Variants in PPM1H observed in about 807,000 individuals in gnomAD.
PPM1H encodes the protein protein phosphatase 1H.
Under a neutral mutation model 54.9 loss-of-function variants are expected in PPM1H, and 27 were observed. The ratio of observed to expected loss-of-function variants is 0.49; its 90% CI spans 0.36 to 0.68. The LOEUF is 0.68. PPM1H is among the 30% of genes least tolerant of loss of function. The pLI is 0.00. For synonymous variants in PPM1H, 305 were observed against 270.8 expected, an observed-to-expected ratio of 1.13 and a Z score of -1.24; for missense variants, 596 against 667.8, an observed-to-expected ratio of 0.89 and a Z score of 1.19.
In PPM1H at chr12:62,867,564, A is replaced by ATTTTTTTTTTTTTTT. The variant is rs34772338; in HGVS notation, c.246-35300_246-35286dup. ...TCCTGAAATACATCTTATGAGCACT[A>ATTTTTTTTTTTTTTT]TTTTTTTTTTTTTTTTTTTTTTTTT... On this transcript the variant is annotated intron_variant, in intron 1 of 9. Transcript: ENST00000228705. Among the ~76,000 whole-genome samples the ATTTTTTTTTTTTTTT allele has an allele frequency of 1.1e-3, 59 of 55,368 alleles. 11 individuals are homozygous for ATTTTTTTTTTTTTTT. Among genetic ancestry groups the ATTTTTTTTTTTTTTT allele is most frequent in the Non-Finnish European group, 1.4e-3 (42 of 29,226 alleles). 36.3% of individuals were successfully genotyped at this position (55,368 alleles called of 152,430 possible). A position where few individuals can be genotyped will look rare whatever the true frequency, so the allele number is the denominator to read the frequency against.
At chr12:62,930,684 G>T (rs972826295) in intron 1 of PPM1H, among the ~76,000 whole-genome samples, 1 of 152,236 alleles carries the variant, frequency 6.6e-6, no homozygotes, top group African/African-American at 2.4e-5. Flanking sequence ...GAGAAAGGAA[G>T]TAGCTGCCGC....
chr12:62,779,046 C>CTT (rs149921465), intron 4 of PPM1H, among the ~76,000 whole-genome samples: 4 of 150,778 alleles, frequency 2.7e-5, no homozygotes, highest in East Asian at 1.9e-4. Context: ...TTGTTTTTTG[C>CTT]TTTTTTTTTG....
At chr12:62,659,298 A>AACTT (rs1259041478) in intron 9 of PPM1H, 201 of 484,638 alleles carry the variant, frequency 4.1e-4, no homozygotes, top group African/African-American at 3.8e-3. Flanking sequence ...AAAAGAGAAA[A>AACTT]ACTTACTGCA....
chr12:62,874,034 G>A (rs1232663320), intron 1 of PPM1H, among the ~76,000 whole-genome samples: 1 of 152,202 alleles, frequency 6.6e-6, no homozygotes, highest in Non-Finnish European at 1.5e-5. Context: ...CAGAGGGACA[G>A]TGTGCTAGGA....
chr12:62,686,180 T>C (rs2076050415), intron 8 of PPM1H, among the ~76,000 whole-genome samples: 2 of 152,230 alleles, frequency 1.3e-5, no homozygotes, highest in Non-Finnish European at 2.9e-5. Flanking sequence ...GACTCTTCCA[T>C]GCAGGCCCAA....
At chr12:62,652,787 C>A (rs1180545833) in intron 9 of PPM1H, among the ~76,000 whole-genome samples, 1 of 152,128 alleles carries the variant, frequency 6.6e-6, no homozygotes, top group Non-Finnish European at 1.5e-5. Context: ...CTGCCTTAAT[C>A]ATTATCATTT....
At chr12:62,749,819 T>A (rs1333036477) in intron 4 of PPM1H, among the ~76,000 whole-genome samples, 1 of 152,252 alleles carries the variant, frequency 6.6e-6, no homozygotes, top group Non-Finnish European at 1.5e-5. Context: ...CAAAAATAAG[T>A]GACCACTCAT....
chr12:62,887,663 C>T (rs1277664838), intron 1 of PPM1H, among the ~76,000 whole-genome samples: 3 of 152,036 alleles, frequency 2.0e-5, no homozygotes, highest in Non-Finnish European at 4.4e-5. Context: ...AAATAATGAG[C>T]GAGGTGATTT....
chr12:62,926,729 C>T (rs992093518), intron 1 of PPM1H, among the ~76,000 whole-genome samples: 4 of 152,012 alleles, frequency 2.6e-5, no homozygotes, highest in Middle Eastern at 3.2e-3. Flanking sequence ...CCGAGGTGGG[C>T]GGATCACCTG....
intron 6 of PPM1H, among the ~76,000 whole-genome samples, chr12:62,700,980 A>G (rs2076140841): frequency 6.6e-6 from 1 of 152,008 alleles, no homozygotes; most frequent in Non-Finnish European, 1.5e-5. Context: ...CTTCCTTACT[A>G]TGGTTATTTT....
chr12:62,731,127 C>G (rs1046225640), intron 5 of PPM1H, among the ~76,000 whole-genome samples: 5 of 152,144 alleles, frequency 3.3e-5, no homozygotes, highest in African/African-American at 1.2e-4. Context: ...TAAATTTCTA[C>G]GTGATCCAGG....
chr12:62,767,252 ATG>A (rs1305231040), intron 4 of PPM1H, among the ~76,000 whole-genome samples: 1 of 151,956 alleles, frequency 6.6e-6, no homozygotes, highest in African/African-American at 2.4e-5. Context: ...TCAGGGTGGG[ATG>A]TGGAGAAGCT....
At chr12:62,748,567 C>CACACACA (rs59465927) in intron 4 of PPM1H, among the ~76,000 whole-genome samples, 4 of 148,418 alleles carry the variant, frequency 2.7e-5, no homozygotes, top group African/African-American at 9.9e-5. Context: ...CACACACACA[C>CACACACA]GTGTGAGGAA....
chr12:62,824,442 A>C (rs1868265182), intron 2 of PPM1H, among the ~76,000 whole-genome samples: 1 of 152,234 alleles, frequency 6.6e-6, no homozygotes, highest in Non-Finnish European at 1.5e-5. Flanking sequence ...CACATTGCCA[A>C]GACAATCCTA....
chr12:62,911,501 G>A (rs1871458967), intron 1 of PPM1H, among the ~76,000 whole-genome samples: 1 of 152,172 alleles, frequency 6.6e-6, no homozygotes, highest in Admixed American at 6.5e-5. Flanking sequence ...TACCTGACAA[G>A]TCCGTTTGGA....
intron 1 of PPM1H, among the ~76,000 whole-genome samples, chr12:62,920,453 A>G (rs1871757936): frequency 2.0e-5 from 3 of 150,268 alleles, no homozygotes; most frequent in Admixed American, 2.0e-4. Flanking sequence ...CAGCCTCCCA[A>G]GTAGCTGGTA....
intron 1 of PPM1H, among the ~76,000 whole-genome samples, chr12:62,920,306 C>CA (rs1017409603): frequency 7.9e-5 from 12 of 152,060 alleles, no homozygotes; most frequent in African/African-American, 1.7e-4. Context: ...TTTTATGTTA[C>CA]AAAAAATCCT....
intron 1 of PPM1H, among the ~76,000 whole-genome samples, chr12:62,836,184 C>T (rs942839745): frequency 6.6e-5 from 10 of 152,344 alleles, no homozygotes; most frequent in African/African-American, 2.4e-4. Flanking sequence ...GACCACGAAT[C>T]ATCATACCTT....
chr12:62,878,225 C>G (rs778740031), intron 1 of PPM1H, among the ~76,000 whole-genome samples: 15 of 152,142 alleles, frequency 9.9e-5, no homozygotes, highest in Admixed American at 2.0e-4. Context: ...ATGTCTAATA[C>G]TAAATTCTAC....
Sources: allele counts gnomAD v4.1 joint callset (sites outside exome capture counted in the v4.1 genomes callset), GRCh38; gene constraint gnomAD v4.1.1; transcripts MANE v1.5; gene names NCBI Gene and HGNC (gene_info 2026-07-23, HGNC 2026-07-21).